Variants in ZNF350 observed in about 807,000 individuals in gnomAD.
ZNF350 encodes zinc finger protein 350.
ZNF350 carries 5 observed loss-of-function variants against 13.1 expected under a neutral mutation model. The ratio of observed to expected loss-of-function variants is 0.38; its 90% confidence interval spans 0.20 to 0.80. ZNF350 has a LOEUF of 0.80. ZNF350 is among the 30% of genes least tolerant of loss of function. The pLI is 0.43. For synonymous variants in ZNF350, 199 were observed against 224.2 expected, an observed-to-expected ratio of 0.89 and a Z score of 1.00; for missense variants, 534 against 644.2, an observed-to-expected ratio of 0.83 and a Z score of 1.85.
At position 51,966,099 on chromosome 19, in the gene ZNF350, A is replaced by G; in HGVS notation, c.354T>C (p.Ser118=). The change falls in exon 5 of 5, where the codon AGT becomes AGC. Residue 118 remains serine, a synonymous_variant. Transcript: ENST00000243644. ...CATGATTTTGCCCTAACAGAAACTG[A>G]CTTTTGCTGCAATGAACAATATTTT... ...AFENIVHCSK[S]QFLLGQNHDI... is the part of the protein sequence containing the mutation. The G allele has an allele frequency of 6.2e-7, 1 of 1,614,040 alleles. No individual in the cohort carries two copies. The highest frequency in any genetic ancestry group is 1.3e-5 in the African/African-American group (1 of 75,026).
At chr19:51,966,983 T>A (rs191435815) in intron 4 of ZNF350, among the ~76,000 whole-genome samples, 1 of 152,164 alleles carries the variant, frequency 6.6e-6, no homozygotes. Flanking sequence ...TGATGTGAGG[T>A]GTCTCTTAGT....
intron 4 of ZNF350, among the ~76,000 whole-genome samples, chr19:51,966,793 A>G (rs1165928105): frequency 1.3e-5 from 2 of 151,552 alleles, no homozygotes; most frequent in African/African-American, 2.4e-5. Flanking sequence ...GATTACAGGC[A>G]TGCACCACCG....
chr19:51,970,059 A>T (rs1353800022), intron 2 of ZNF350, among the ~76,000 whole-genome samples: 2 of 114,506 alleles, frequency 1.7e-5, no homozygotes, highest in Non-Finnish European at 3.5e-5. Context: ...CGCCTGGCTA[A>T]TTTTTTTTTT....
At chr19:51,978,718 A>G (rs1327157957) in intron 1 of ZNF350, among the ~76,000 whole-genome samples, 1 of 152,168 alleles carries the variant, frequency 6.6e-6, no homozygotes, top group Non-Finnish European at 1.5e-5. Flanking sequence ...ATTACAACGC[A>G]TGTTGAAAAA....
At position 51,974,485 on chromosome 19, in the gene ZNF350, C is replaced by T; in HGVS notation, c.-125G>A. Reference sequence around the variant, plus strand: ...CAAGAAATGGTGAACCCCAAATCCACTTCCTCCCTCTTCAGGTTATGTTTT... The same window carrying T: ...CAAGAAATGGTGAACCCCAAATCCATTTCCTCCCTCTTCAGGTTATGTTTT... On this transcript the variant is annotated 5_prime_UTR_variant, in exon 2 of 5. In the 5' UTR this introduces an upstream ATG that the reference lacks. Transcript: ENST00000243644. 7 of 1,117,936 alleles carry T rather than the reference C, an allele frequency of 6.3e-6. No individual in the cohort carries two copies. The South Asian group carries it at 9.6e-5, about 15-fold the overall frequency. The allele number at this position is 1,117,936 out of a possible 1,614,324, so 69.3% of individuals were successfully genotyped here.
At chr19:51,986,617 C>A (rs16983327) in intron 1 of ZNF350, 153 bp downstream of exon 1, 6,052 of 152,900 alleles carry the variant, frequency 0.04, 387 homozygotes, top group African/African-American at 0.14. Context: ...CCACCAGGTA[C>A]CTCCCAAATG....
chr19:51,966,995 A>G (rs1314171486), intron 4 of ZNF350, among the ~76,000 whole-genome samples: 1 of 152,100 alleles, frequency 6.6e-6, no homozygotes, highest in Non-Finnish European at 1.5e-5. Flanking sequence ...TCTCTTAGTA[A>G]TAACCCTATG....
Position 51,965,347 on chromosome 19 carries a change from G to T in ZNF350, c.1106C>A (p.Thr369Lys). 6.2e-7 allele frequency: 1 copy of T among 1,613,988 alleles called. No homozygotes were observed. The highest frequency in any genetic ancestry group is 8.5e-7 in the Non-Finnish European group (1 of 1,179,962). ...ACTACATTCAAAGGGTTTCTCTCCT[G>T]TGTGAATTCTTTGATGTTTAATGAG... ...SGLIKHQRIH[T>K]GEKPFECSEC... The change falls in exon 5 of 5, where the codon ACA becomes AAA. Residue 369 changes from threonine to lysine, a missense_variant. By Grantham distance (78) the Thr-to-Lys change is moderately conservative (BLOSUM62 -1). Coordinates refer to ENST00000243644, the MANE Select transcript of ZNF350 (RefSeq NM_021632.4).
intron 1 of ZNF350, among the ~76,000 whole-genome samples, chr19:51,983,856 T>TA (rs980013620): frequency 2.0e-5 from 3 of 152,348 alleles, no homozygotes; most frequent in African/African-American, 7.2e-5. Flanking sequence ...TCTTCCTCTG[T>TA]ACTTTCTCTC....
In ZNF350 at chr19:51,969,024, G is replaced by A. The variant is rs759930682; in HGVS notation, c.123C>T (p.Tyr41=). The A allele has an allele frequency of 2.6e-5, 42 of 1,613,980 alleles. 2 individuals carry two copies. In the South Asian group the frequency reaches 4.3e-4, roughly 16 times the overall value. ...CCTCACCCACTGCCACCAGGTTGCT[G>A]TAGTTCTCCAACATCACATCCCGGT... The part of the protein sequence containing the change: ...DLYRDVMLEN[Y]SNLVAVGYQA... The change falls in exon 3 of 5, where the codon TAC becomes TAT. Residue 41 remains tyrosine, a synonymous_variant. Coordinates refer to ENST00000243644, the MANE Select transcript of ZNF350 (RefSeq NM_021632.4).
At position 51,966,035 on chromosome 19, in the gene ZNF350, A is replaced by T; in HGVS notation, c.418T>A (p.Leu140Ile). 1 of 1,614,002 alleles carries T rather than the reference A, an allele frequency of 6.2e-7. No individual in the cohort carries two copies. Among genetic ancestry groups the T allele is most frequent in the Non-Finnish European group, 8.5e-7 (1 of 1,179,978 alleles). ...CCTTTGCTCTGGTTAACTAAAGTTA[A>T]ATTGGATTTCAAACTTTTTCCACGT... ...DLRGKSLKSN[L>I]TLVNQSKGYE... Residue 140 changes from leucine to isoleucine, a missense_variant, in exon 5 of 5, where the codon TTA becomes ATA. Coordinates refer to ENST00000243644, the MANE Select transcript of ZNF350 (RefSeq NM_021632.4).
In ZNF350 at chr19:51,974,471, G is replaced by A; in HGVS notation, c.-111C>T. The A allele has an allele frequency of 7.5e-7, 1 of 1,331,456 alleles. No individual in the cohort carries two copies. The highest frequency in any genetic ancestry group is 1.1e-6 in the Non-Finnish European group (1 of 940,522). 82.5% of individuals were successfully genotyped at this position (1,331,456 alleles called of 1,614,324 possible). ...AATCAAGTGTGCCCCAAGAAATGGT[G>A]AACCCCAAATCCACTTCCTCCCTCT... On this transcript the variant is annotated 5_prime_UTR_variant, in exon 2 of 5. Transcript: ENST00000243644.
At chr19:51,974,753 T>C (rs896298677) in intron 1 of ZNF350, 11 of 162,208 alleles carry the variant, frequency 6.8e-5, no homozygotes, top group South Asian at 1.9e-4. Context: ...GTGGAAGGAC[T>C]GTGAAGGCAG....
chr19:51,986,515 CAGTT>C (rs1346820422), intron 1 of ZNF350: 1 of 152,278 alleles, frequency 6.6e-6, no homozygotes, highest in South Asian at 2.1e-4. Context: ...CATACCTTGA[CAGTT>C]AGGACACGGC....
At position 51,969,046 on chromosome 19, in the gene ZNF350, C is replaced by G. The variant is rs573446364; in HGVS notation, c.101G>C (p.Arg34Pro). The G allele has an allele frequency of 6.2e-7, 1 of 1,614,112 alleles. No homozygotes were observed. The highest frequency in any genetic ancestry group is 1.1e-5 in the South Asian group (1 of 91,082). ...GCTGTAGTTCTCCAACATCACATCC[C>G]GGTACAGGTCCTTCTGAGCAGCGCC... ...LLGAAQKDLY[R>P]DVMLENYSNL... The change falls in exon 3 of 5, where the codon CGG (arginine) becomes CCG (proline). Residue 34 changes from arginine to proline, a missense_variant. Physicochemically the swap from Arg to Pro is moderately radical, Grantham distance 103. Transcript: ENST00000243644.
At chr19:51,966,787 ACAG>A (rs533788011) in intron 4 of ZNF350, among the ~76,000 whole-genome samples, 461 of 151,860 alleles carry the variant, frequency 3.0e-3, no homozygotes, top group African/African-American at 0.011. Context: ...AGCTGGGATT[ACAG>A]GCATGCACCA....
At chr19:51,981,083 C>G (rs969128551) in intron 1 of ZNF350, 1 of 152,190 alleles carries the variant, frequency 6.6e-6, no homozygotes, top group Non-Finnish European at 1.5e-5. Context: ...GCTATATGAT[C>G]AAACAGCAAA....
rs117730978 is a variant in ZNF350 at position 51,980,502 on chromosome 19, A to G, written c.-171-5971T>C. Among the ~76,000 whole-genome samples, 543 of 152,330 alleles carry G rather than the reference A, an allele frequency of 3.6e-3. 1 individual carries two copies. The highest frequency in any genetic ancestry group is 6.2e-3 in the Non-Finnish European group (422 of 68,018). ...CACGCACAGCTGACCAAGCGAGGCT[A>G]CTTCAGAATAAAATTAACACTGAGT... On this transcript the variant is annotated intron_variant, in intron 1 of 4. Coordinates refer to ENST00000243644, the MANE Select transcript of ZNF350 (RefSeq NM_021632.4).
chr19:51,969,933 C>G (rs2085686971), intron 2 of ZNF350, among the ~76,000 whole-genome samples: 1 of 152,192 alleles, frequency 6.6e-6, no homozygotes, highest in South Asian at 2.1e-4. Flanking sequence ...CACTCTCTTT[C>G]CCAGGCTGGG....
Sources: gnomAD v4.1 joint callset for allele counts (sites outside exome capture counted in the v4.1 genomes callset) on GRCh38, gnomAD v4.1.1 for gene constraint, MANE v1.5 for transcripts, NCBI Gene and HGNC (gene_info 2026-07-23, HGNC 2026-07-21) for gene names.